Variants in EXTL3 observed in about 807,000 individuals in gnomAD.
EXTL3 encodes exostosin-like 3.
A neutral mutation model predicts 69.3 loss-of-function variants in EXTL3; 27 were observed. The ratio of observed to expected loss-of-function variants is 0.39; its 90% confidence interval spans 0.29 to 0.54. EXTL3 has a LOEUF of 0.54. Ranked by LOEUF, EXTL3 falls within the 20% of genes least tolerant of loss-of-function variation. The pLI is 0.69. For synonymous variants in EXTL3, 511 were observed against 499.4 expected (o/e 1.02, Z -0.31); for missense variants, 1,003 against 1,231.8 (o/e 0.81, Z 2.78).
Position 28,718,100 on chromosome 8 carries a change from G to C in EXTL3, c.2041G>C (p.Glu681Gln). 1 of 1,614,120 alleles carries C rather than the reference G, an allele frequency of 6.2e-7. No homozygotes were observed. The highest frequency in any genetic ancestry group is 8.5e-7 in the Non-Finnish European group (1 of 1,180,018). ...GGAGGAAGTGCTTATGAACTCTTTA[G>C]AGAGGCTGAATGGCCTCCCTTACCT... ...EREEVLMNSL[E>Q]RLNGLPYLNK... is the part of the protein sequence containing the mutation. Residue 681 changes from glutamate (E) to glutamine (Q), a missense_variant, in exon 3 of 7, where the codon GAG becomes CAG. By Grantham distance (29) the Glu-to-Gln change is conservative. Around this residue, in one of 2 missense-constraint regions of EXTL3, gnomAD observed 261 missense variants for 416.4 expected, o/e 0.63. Coordinates refer to ENST00000220562, the MANE Select transcript of EXTL3 (RefSeq NM_001440.4).
intron 1 of EXTL3, among the ~76,000 whole-genome samples, chr8:28,703,559 G>T (rs944443799): frequency 6.6e-6 from 1 of 152,150 alleles, no homozygotes; most frequent in African/African-American, 2.4e-5. Flanking sequence ...GAGGGTTATG[G>T]GTGATGAGGG....
intron 2 of EXTL3, among the ~76,000 whole-genome samples, chr8:28,612,042 T>C (rs1261336835): frequency 6.6e-6 from 1 of 152,202 alleles, no homozygotes; most frequent in East Asian, 1.9e-4. Flanking sequence ...GAAGAACCGC[T>C]CCAGCTTAGT....
intron 1 of EXTL3, among the ~76,000 whole-genome samples, chr8:28,689,181 T>C (rs1385186653): frequency 2.6e-5 from 4 of 152,176 alleles, no homozygotes; most frequent in African/African-American, 9.7e-5. Flanking sequence ...TTTTCGTAAT[T>C]CTCCCCCAAA....
chr8:28,631,186 G>T (rs181563604), intron 1 of EXTL3, among the ~76,000 whole-genome samples: 2 of 149,474 alleles, frequency 1.3e-5, no homozygotes, highest in African/African-American at 5.0e-5. Context: ...GGATTATCAC[G>T]TGGCCTCCCT....
At chr8:28,680,942 A>G (rs1807477481) in intron 1 of EXTL3, among the ~76,000 whole-genome samples, 1 of 152,016 alleles carries the variant, frequency 6.6e-6, no homozygotes, top group African/African-American at 2.4e-5. Flanking sequence ...CGGTGACACG[A>G]TCTCAGCTCA....
intron 1 of EXTL3, among the ~76,000 whole-genome samples, chr8:28,664,127 A>C (rs1341684047): frequency 2.0e-5 from 3 of 152,226 alleles, no homozygotes; most frequent in Non-Finnish European, 1.5e-5. Flanking sequence ...AAAGACCCGG[A>C]TTTGGCGGGC....
chr8:28,644,239 A>G (rs898781204), intron 1 of EXTL3, among the ~76,000 whole-genome samples: 1 of 152,108 alleles, frequency 6.6e-6, no homozygotes, highest in Non-Finnish European at 1.5e-5. Context: ...GTAGTACTCT[A>G]TTATATAAAG....
intron 1 of EXTL3, among the ~76,000 whole-genome samples, chr8:28,628,877 T>G (rs548092640): frequency 6.6e-6 from 1 of 152,234 alleles, no homozygotes; most frequent in African/African-American, 2.4e-5. Context: ...TGGTCTCCAA[T>G]TCCTGACAGA....
chr8:28,689,744 C>A (rs1393979042), intron 1 of EXTL3, among the ~76,000 whole-genome samples: 1 of 152,224 alleles, frequency 6.6e-6, no homozygotes, highest in Non-Finnish European at 1.5e-5. Flanking sequence ...GTTAGGGATT[C>A]TGTCAATAGA....
intron 1 of EXTL3, among the ~76,000 whole-genome samples, chr8:28,663,734 G>T (rs1807151678): frequency 6.6e-6 from 1 of 152,158 alleles, no homozygotes; most frequent in African/African-American, 2.4e-5. Flanking sequence ...TTACAGGTGT[G>T]AGCCACTGTG....
At chr8:28,665,416 CTTTT>C (rs34069791) in intron 1 of EXTL3, among the ~76,000 whole-genome samples, 1 of 115,424 alleles carries the variant, frequency 8.7e-6, no homozygotes, top group African/African-American at 3.3e-5. Context: ...CACTTGTTTA[CTTTT>C]TTTTTTTTTT....
At position 28,688,786 on chromosome 8, in the gene EXTL3, G is replaced by C. The variant is rs188348365; in HGVS notation, c.-52-24671G>C. Among the ~76,000 whole-genome samples, 276 of 152,318 alleles carry C rather than the reference G, an allele frequency of 1.8e-3. 1 individual carries two copies. Among genetic ancestry groups the C allele is most frequent in the African/African-American group, 6.1e-3 (254 of 41,572 alleles). On this transcript the variant is annotated intron_variant, in intron 1 of 6. Coordinates refer to the EXTL3 transcript ENST00000523149. ...CATGTATGTAGCAAAGAGAATAACT[G>C]ATCAAGCAAGAGTTAAAGGAAGGAT...
intron 3 of EXTL3, among the ~76,000 whole-genome samples, chr8:28,726,646 T>C (rs1563219093): frequency 6.6e-6 from 1 of 152,114 alleles, no homozygotes; most frequent in Non-Finnish European, 1.5e-5. Flanking sequence ...CATCCCTGGC[T>C]TCTGCCCACT....
At chr8:28,611,614 G>A (rs369503238) in intron 2 of EXTL3, among the ~76,000 whole-genome samples, 13 of 152,292 alleles carry the variant, frequency 8.5e-5, no homozygotes, top group Admixed American at 6.5e-5. Flanking sequence ...CTTTCACAGC[G>A]AGAGGGGTGA....
Position 28,731,310 on chromosome 8 carries a change from G to A in EXTL3, c.2236G>A (p.Asp746Asn), listed in dbSNP as rs758783683. Reference sequence around the variant, plus strand: ...AGAGGCCATCCTGTCCATTGATGACGATGCTCACCTCCGCCATGACGAAAT... The same window carrying A: ...AGAGGCCATCCTGTCCATTGATGACAATGCTCACCTCCGCCATGACGAAAT... ...ETEAILSIDD[D>N]AHLRHDEIMF... Residue 746 changes from aspartate to asparagine, a missense_variant, in exon 4 of 7, where the codon GAT (aspartate) becomes AAT (asparagine). Coordinates refer to ENST00000220562, the MANE Select transcript of EXTL3 (RefSeq NM_001440.4). The A allele has an allele frequency of 6.2e-7, 1 of 1,614,064 alleles. No homozygotes were observed. Among genetic ancestry groups the A allele is most frequent in the African/African-American group, 1.3e-5 (1 of 74,926 alleles).
At chr8:28,721,425 C>T (rs528993926) in intron 3 of EXTL3, among the ~76,000 whole-genome samples, 1 of 152,296 alleles carries the variant, frequency 6.6e-6, no homozygotes, top group Non-Finnish European at 1.5e-5. Context: ...CTTTACAGGC[C>T]AGAAAGACCA....
intron 1 of EXTL3, among the ~76,000 whole-genome samples, chr8:28,634,394 C>G (rs750444435): frequency 6.6e-6 from 1 of 152,034 alleles, no homozygotes; most frequent in Admixed American, 6.6e-5. Context: ...CCGTGCAGCT[C>G]GCAGCACCCA....
intron 1 of EXTL3, among the ~76,000 whole-genome samples, chr8:28,666,795 G>A (rs547323198): frequency 6.6e-6 from 1 of 152,078 alleles, no homozygotes; most frequent in Admixed American, 6.5e-5. Context: ...GGCTGGTCTC[G>A]AACTCCTGAC....
At chr8:28,686,760 C>T (rs748352682) in intron 1 of EXTL3, among the ~76,000 whole-genome samples, 13 of 152,142 alleles carry the variant, frequency 8.5e-5, no homozygotes, top group South Asian at 2.1e-4. Flanking sequence ...TATTGCATTC[C>T]ACCCGGTAGC....
Sources: allele counts gnomAD v4.1 joint callset (sites outside exome capture counted in the v4.1 genomes callset), GRCh38; gene constraint gnomAD v4.1.1; regional missense constraint gnomAD v4.1.1; transcripts MANE v1.5; gene names NCBI Gene and HGNC (gene_info 2026-07-23, HGNC 2026-07-21).